NKAIN2: variants seen among roughly 807,000 people sequenced by gnomAD.
The protein encoded by NKAIN2 is sodium/potassium transporting ATPase interacting 2.
In NKAIN2, 14 loss-of-function variants were observed where a neutral mutation model predicts 32.6. The observed-to-expected ratio is 0.43, with a 90% confidence interval of 0.28 to 0.67. The LOEUF (loss-of-function observed/expected upper bound fraction) is 0.67. Among genes scored for constraint, NKAIN2 ranks in the 30% least tolerant of loss-of-function variants. The pLI is 0.17. For synonymous variants in NKAIN2, 80 were observed against 87.2 expected (o/e 0.92, Z 0.46); for missense variants, 198 against 258.3 (o/e 0.77, Z 1.60).
intron 1 of NKAIN2, among the ~76,000 whole-genome samples, chr6:124,113,219 C>G (rs1785464452): frequency 6.6e-6 from 1 of 152,054 alleles, no homozygotes; most frequent in South Asian, 2.1e-4. Flanking sequence ...CTCTTTTCCT[C>G]CCACAGGAAG....
At chr6:124,064,639 CTGTA>C (rs1393108558) in intron 1 of NKAIN2, among the ~76,000 whole-genome samples, 2 of 152,100 alleles carry the variant, frequency 1.3e-5, no homozygotes, top group African/African-American at 4.8e-5. Context: ...CTCAAGGTAT[CTGTA>C]TGTGGTAACA....
intron 3 of NKAIN2, among the ~76,000 whole-genome samples, chr6:124,631,621 C>T (rs1320243420): frequency 2.6e-5 from 4 of 152,072 alleles, no homozygotes; most frequent in Non-Finnish European, 4.4e-5. Context: ...CAGGGAGCAG[C>T]TCTAATGCTT....
At chr6:124,323,763 T>C (rs2115031307) in intron 2 of NKAIN2, among the ~76,000 whole-genome samples, 1 of 151,320 alleles carries the variant, frequency 6.6e-6, no homozygotes, top group African/African-American at 2.4e-5. Flanking sequence ...GATTTAGCTG[T>C]TTCAATTCTT....
chr6:124,566,366 T>C (rs988757737), intron 3 of NKAIN2, among the ~76,000 whole-genome samples: 4 of 152,164 alleles, frequency 2.6e-5, no homozygotes, highest in African/African-American at 9.7e-5. Flanking sequence ...TCTGTCTCTC[T>C]AGTTAGCTGT....
At chr6:124,482,149 C>A (rs1044454239) in intron 3 of NKAIN2, among the ~76,000 whole-genome samples, 1 of 152,088 alleles carries the variant, frequency 6.6e-6, no homozygotes, top group African/African-American at 2.4e-5. Context: ...GAGTTACAAA[C>A]CTCTCAAAAA....
chr6:124,268,831 C>A (rs1355721634), intron 1 of NKAIN2, among the ~76,000 whole-genome samples: 1 of 152,044 alleles, frequency 6.6e-6, no homozygotes, highest in Non-Finnish European at 1.5e-5. Flanking sequence ...CTAGACAAAT[C>A]ATCTTTACCA....
At chr6:124,049,515 G>A (rs1036869643) in intron 1 of NKAIN2, among the ~76,000 whole-genome samples, 4 of 152,024 alleles carry the variant, frequency 2.6e-5, no homozygotes, top group African/African-American at 9.7e-5. Context: ...CTCGGTCCAC[G>A]ATGAATTACA....
intron 3 of NKAIN2, among the ~76,000 whole-genome samples, chr6:124,415,319 A>G (rs915587518): frequency 3.9e-5 from 6 of 152,228 alleles, no homozygotes; most frequent in African/African-American, 1.2e-4. Flanking sequence ...AGAATGGTTC[A>G]GAGAACTCAG....
In NKAIN2 at chr6:124,488,378, T is replaced by C. The variant is rs138645119; in HGVS notation, c.273+133031T>C. On this transcript the variant is annotated intron_variant, in intron 3 of 6. Coordinates refer to ENST00000368417, the MANE Select transcript of NKAIN2 (RefSeq NM_001040214.3). ...CAATATGAGGTATTTGTACTTTGTT[T>C]CTGTAATCATATTATCTGCTCAGAA... 2.2e-3 allele frequency among the ~76,000 whole-genome samples: 341 copies of C among 152,110 alleles called. 3 individuals are homozygous for C. The highest frequency in any genetic ancestry group is 8.1e-3 in the African/African-American group (335 of 41,560).
intron 1 of NKAIN2, among the ~76,000 whole-genome samples, chr6:123,812,719 C>T (rs1452964435): frequency 1.3e-5 from 2 of 152,200 alleles, no homozygotes; most frequent in African/African-American, 4.8e-5. Flanking sequence ...TCTCAGCCTA[C>T]ATATTTGCCT....
At chr6:124,441,960 C>T (rs1775707187) in intron 3 of NKAIN2, among the ~76,000 whole-genome samples, 1 of 151,932 alleles carries the variant, frequency 6.6e-6, no homozygotes, top group South Asian at 2.1e-4. Context: ...TGTAAATGGG[C>T]CCATGTACAT....
chr6:124,804,875 G>A (rs907380384), intron 5 of NKAIN2, among the ~76,000 whole-genome samples: 11 of 152,302 alleles, frequency 7.2e-5, no homozygotes, highest in Admixed American at 3.3e-4. Context: ...CTATGCCCAC[G>A]GAGTCTCACT....
chr6:124,527,300 A>G (rs1440209641), intron 3 of NKAIN2, among the ~76,000 whole-genome samples: 2 of 152,204 alleles, frequency 1.3e-5, no homozygotes, highest in African/African-American at 4.8e-5. Context: ...TAAGAATGTC[A>G]GGAAAAATAT....
chr6:124,486,022 C>T (rs548219973), intron 3 of NKAIN2, among the ~76,000 whole-genome samples: 13 of 152,138 alleles, frequency 8.5e-5, no homozygotes, highest in Non-Finnish European at 1.6e-4. Flanking sequence ...CTCAATGAGC[C>T]GACTCTAAAG....
At chr6:124,466,068 A>T (rs1776741449) in intron 3 of NKAIN2, among the ~76,000 whole-genome samples, 1 of 151,880 alleles carries the variant, frequency 6.6e-6, no homozygotes, top group African/African-American at 2.4e-5. Flanking sequence ...TATTGAAGGG[A>T]TCACTGTAAT....
chr6:124,029,436 T>C (rs1449040558), intron 1 of NKAIN2, among the ~76,000 whole-genome samples: 1 of 151,960 alleles, frequency 6.6e-6, no homozygotes, highest in Non-Finnish European at 1.5e-5. Context: ...TGACAGCATT[T>C]GAAAAGATAA....
chr6:124,810,484 G>T (rs991198709), intron 5 of NKAIN2, among the ~76,000 whole-genome samples: 2 of 152,056 alleles, frequency 1.3e-5, no homozygotes, highest in African/African-American at 2.4e-5. Flanking sequence ...GGACTGTTGT[G>T]GGGTGGGGGG....
chr6:124,251,360 A>T (rs1227900878), intron 1 of NKAIN2, among the ~76,000 whole-genome samples: 1 of 152,046 alleles, frequency 6.6e-6, no homozygotes, highest in Non-Finnish European at 1.5e-5. Flanking sequence ...TTCTTAGCAT[A>T]AACACTTTTT....
chr6:124,766,888 T>C (rs1408891394), intron 4 of NKAIN2, among the ~76,000 whole-genome samples: 2 of 152,016 alleles, frequency 1.3e-5, no homozygotes, highest in African/African-American at 4.8e-5. Context: ...CTTTGAGCTG[T>C]CTTGTTTTTT....
Sources: allele counts gnomAD v4.1 joint callset (sites outside exome capture counted in the v4.1 genomes callset), GRCh38; gene constraint gnomAD v4.1.1; transcripts MANE v1.5; gene names NCBI Gene and HGNC (gene_info 2026-07-23, HGNC 2026-07-21).